PHTF1: variants seen among roughly 807,000 people sequenced by gnomAD.
PHTF1 encodes protein PHTF1.
Under a neutral mutation model 102.4 loss-of-function variants are expected in PHTF1, and 88 were observed. The ratio of observed to expected loss-of-function variants is 0.86; its 90% CI spans 0.72 to 1.03. The LOEUF (loss-of-function observed/expected upper bound fraction) is 1.03, where lower values mean the gene tolerates loss of function less well. Ranked by LOEUF, PHTF1 falls within the 50% of genes least tolerant of loss-of-function variation. PHTF1 has a pLI of 0.00. For missense variants in PHTF1, 814 were observed against 909.5 expected, an observed-to-expected ratio of 0.89 and a Z score of 1.35; for synonymous variants, 289 against 305.2, an observed-to-expected ratio of 0.95 and a Z score of 0.55.
chr1:113,697,513 G>A lies in PHTF1; in HGVS notation c.*192C>T. On this transcript the variant is annotated 3_prime_UTR_variant, in exon 19 of 19. Coordinates refer to ENST00000369604, the MANE Select transcript of PHTF1 (RefSeq NM_001323043.2). The stretch of plus-strand genomic sequence containing the variant: ...TTGTTTGAAAAGCATGAAAATACAG[G>A]TTTTTAGCATGCACACCCAGTTGGA... 1.9e-6 allele frequency: 1 copy of A among 537,230 alleles called. No homozygotes were observed. Among genetic ancestry groups the A allele is most frequent in the Non-Finnish European group, 3.4e-6 (1 of 293,804 alleles). The allele number at this position is 537,230 out of a possible 1,614,324, so 33.3% of individuals were successfully genotyped here. A position where few individuals can be genotyped will look rare whatever the true frequency, so the allele number is the denominator to read the frequency against.
Position 113,710,455 on chromosome 1 carries a change from A to C in PHTF1, c.1068T>G (p.Ser356Arg), listed in dbSNP as rs1165190187. 6.2e-7 allele frequency: 1 copy of C among 1,613,744 alleles called. No individual in the cohort carries two copies. The highest frequency in any genetic ancestry group is 1.3e-5 in the African/African-American group (1 of 74,876). The change falls in exon 11 of 19, where the codon AGT becomes AGG. Residue 356 changes from serine (S) to arginine (R), a missense_variant. Physicochemically the swap from Ser to Arg is moderately radical, Grantham distance 110. Coordinates refer to ENST00000369604, the MANE Select transcript of PHTF1 (RefSeq NM_001323043.2). The stretch of plus-strand genomic sequence containing the variant: ...ACATGTTGAGGCTTCGAGAGCCACC[A>C]CTCACACCCGATCTAGAGCCCTTTA... ...AFSQGSRSGV[S>R]GGSRSLNMSR...
At position 113,722,919 on chromosome 1, in the gene PHTF1, CAAATAAATAAAT is replaced by C. The variant is rs34016504; in HGVS notation, c.623+1828_623+1839del. On this transcript the variant is annotated intron_variant, in intron 7 of 18. Coordinates refer to ENST00000369604, the MANE Select transcript of PHTF1 (RefSeq NM_001323043.2). ...TGGATGACAGAGGAAGACTCCATCT[CAAATAAATAAAT>C]AAATAAATAAATAAATAAATAAATA... Among the ~76,000 whole-genome samples, 784 of 134,780 alleles carry C rather than the reference CAAATAAATAAAT, an allele frequency of 5.8e-3. 4 individuals are homozygous for C. Among genetic ancestry groups the C allele is most frequent in the African/African-American group, 0.02 (714 of 35,500 alleles). 88.4% of individuals were successfully genotyped at this position (134,780 alleles called of 152,430 possible). A position where few individuals can be genotyped will look rare whatever the true frequency, so the allele number is the denominator to read the frequency against.
intron 7 of PHTF1, among the ~76,000 whole-genome samples, chr1:113,722,919 C>CAAAT (rs34016504): frequency 0.22 from 30,124 of 134,564 alleles, 3,672 homozygotes; most frequent in Admixed American, 0.25. Context: ...GACTCCATCT[C>CAAAT]AAATAAATAA....
rs372613581 is a variant in PHTF1 at position 113,726,447 on chromosome 1, T to C, written c.459A>G (p.Pro153=). 4.3e-6 allele frequency: 7 copies of C among 1,609,848 alleles called. No homozygotes were observed. Among genetic ancestry groups the C allele is most frequent in the African/African-American group, 1.3e-5 (1 of 74,756 alleles). The part of the protein sequence containing the change: ...CQIVSTQITR[P]SGNNGNRRRR... ...TTCTTCGATTTCCATTGTTTCCTGA[T>C]GGTCTTGTTATCTGAGTAGACACAA... The change falls in exon 6 of 19, where the codon CCA becomes CCG. Residue 153 remains proline, a synonymous_variant. Transcript: ENST00000369604.
Position 113,698,402 on chromosome 1 carries a change from A to C in PHTF1, c.2143-15T>G. On this transcript the variant is annotated splice_polypyrimidine_tract_variant and intron_variant, in intron 17 of 18. Transcript: ENST00000369604. ...GTGTCCAGCTCCTACAAAAAACATCAAAGAATTGAAATGAGATACATGTTT... is the reference window on the plus strand; with the variant it reads ...GTGTCCAGCTCCTACAAAAAACATCCAAGAATTGAAATGAGATACATGTTT... 2 of 1,609,250 alleles carry C rather than the reference A, an allele frequency of 1.2e-6. No homozygotes were observed. The highest frequency in any genetic ancestry group is 2.2e-5 in the South Asian group (2 of 90,674).
intron 14 of PHTF1, 106 bp downstream of exon 14, chr1:113,704,560 A>C: frequency 2.7e-6 from 2 of 736,322 alleles, no homozygotes; most frequent in Non-Finnish European, 4.3e-6. Flanking sequence ...CTGCTGCTAT[A>C]ATCTGCCTGA....
chr1:113,752,385 A>ATTTTTTTTTTTTT (rs774522219), intron 3 of PHTF1, among the ~76,000 whole-genome samples: 9 of 47,890 alleles, frequency 1.9e-4, no homozygotes, highest in East Asian at 6.0e-4. Flanking sequence ...TGTTACTGTA[A>ATTTTTTTTTTTTT]TTTTTTTTTT....
At chr1:113,730,503 T>C (rs1179644997) in intron 5 of PHTF1, among the ~76,000 whole-genome samples, 1 of 152,074 alleles carries the variant, frequency 6.6e-6, no homozygotes, top group African/African-American at 2.4e-5. Flanking sequence ...ATGAAATGTA[T>C]GTGAAAGGAG....
rs755004020 is a variant in PHTF1, at chr1:113,698,344, G to T, written c.2186C>A (p.Pro729His). 2.5e-6 allele frequency: 4 copies of T among 1,608,748 alleles called. No individual in the cohort carries two copies. Among genetic ancestry groups the T allele is most frequent in the Non-Finnish European group, 3.4e-6 (4 of 1,175,498 alleles). The change falls in exon 18 of 19, where the codon CCC becomes CAC. Residue 729 changes from proline to histidine, a missense_variant. Physicochemically the swap from Pro to His is moderately conservative, Grantham distance 77 (BLOSUM62 -2). Coordinates refer to ENST00000369604, the MANE Select transcript of PHTF1 (RefSeq NM_001323043.2). ...PFRLYGLTMN[P>H]LIYNITRVVI... is the part of the protein sequence containing the mutation. ...TACTCTTGTGATATTGTAGATTAAG[G>T]GATTCATTGTCAGTCCATAGAGTCT...
chr1:113,743,183 T>A (rs989055405), intron 3 of PHTF1, among the ~76,000 whole-genome samples: 2 of 152,130 alleles, frequency 1.3e-5, no homozygotes, highest in African/African-American at 2.4e-5. Flanking sequence ...TTTTTTTAAC[T>A]TTTTTACTCT....
chr1:113,704,022 G>C, intron 15 of PHTF1, 59 bp downstream of exon 15: 2 of 1,078,600 alleles, frequency 1.9e-6, no homozygotes, highest in Non-Finnish European at 2.8e-6. Flanking sequence ...GTCTAAAACA[G>C]AAAGTGAACT....
At chr1:113,744,638 T>C (rs1033396555) in intron 3 of PHTF1, among the ~76,000 whole-genome samples, 3 of 152,158 alleles carry the variant, frequency 2.0e-5, no homozygotes, top group African/African-American at 7.2e-5. Flanking sequence ...ACTTGTAAAG[T>C]TGCACATGTG....
rs746459214 is a variant in PHTF1 at position 113,698,376 on chromosome 1, T to C, written c.2154A>G (p.Thr718=). Residue 718 remains threonine, a synonymous_variant, in exon 18 of 19, where the codon ACA becomes ACG. Transcript: ENST00000369604. ...TTGTCAGTCCATAGAGTCTAAATGG[T>C]GTGTCCAGCTCCTACAAAAAACATC... ...LSTKLLKELD[T]PFRLYGLTMN... is the part of the protein sequence containing the mutation. 1 of 1,611,932 alleles carries C rather than the reference T, an allele frequency of 6.2e-7. No homozygotes were observed. Among genetic ancestry groups the C allele is most frequent in the East Asian group, 2.2e-5 (1 of 44,820 alleles).
At chr1:113,745,947 C>CA (rs1229505297) in intron 3 of PHTF1, among the ~76,000 whole-genome samples, 3 of 152,210 alleles carry the variant, frequency 2.0e-5, no homozygotes, top group Admixed American at 1.3e-4. Flanking sequence ...CATCCCCCCA[C>CA]ACCAGTCCAT....
chr1:113,750,595 A>C (rs1378779654), intron 3 of PHTF1, among the ~76,000 whole-genome samples: 2 of 152,152 alleles, frequency 1.3e-5, no homozygotes, highest in Non-Finnish European at 2.9e-5. Flanking sequence ...GTGGTGGCTC[A>C]CGCCTGTAAT....
At chr1:113,705,773 T>C in intron 13 of PHTF1, 117 bp downstream of exon 13, 1 of 708,522 alleles carries the variant, frequency 1.4e-6, no homozygotes. Flanking sequence ...AGTCCACTTA[T>C]CAATCCTTTA....
intron 13 of PHTF1, 124 bp from the exon 14 acceptor site, chr1:113,704,921 G>A (rs1053849688): frequency 4.8e-5 from 34 of 711,252 alleles, no homozygotes; most frequent in Non-Finnish European, 6.9e-5. Context: ...TCAGTGTTCA[G>A]TAAGATGGGC....
intron 5 of PHTF1, among the ~76,000 whole-genome samples, chr1:113,734,088 T>C (rs925813716): frequency 3.7e-4 from 56 of 152,114 alleles, no homozygotes; most frequent in Non-Finnish European, 8.8e-5. Context: ...GATGAAACCC[T>C]ATCTCTACTA....
Position 113,724,779 on chromosome 1 carries a change from C to T in PHTF1, c.603G>A (p.Trp201Ter), listed in dbSNP as rs1473560065. 1.9e-6 allele frequency: 3 copies of T among 1,601,882 alleles called. No homozygotes were observed. Among genetic ancestry groups the T allele is most frequent in the Non-Finnish European group, 2.5e-6 (3 of 1,176,490 alleles). Residue 201 changes from tryptophan (W) to a stop codon, truncating the protein, a stop_gained, in exon 7 of 19, where the codon TGG becomes TGA. Transcript: ENST00000369604. LOFTEE classifies it high-confidence loss of function. ...CCCACCTGTTGCCAAAGATAGTCTC[C>T]CAAAAACCACCAATAATGGGTACAG... ...LESVPIIGGF[W>*]ETIFGNRIKR...
Sources: allele counts gnomAD v4.1 joint callset (sites outside exome capture counted in the v4.1 genomes callset), GRCh38; gene constraint gnomAD v4.1.1; transcripts MANE v1.5; gene names NCBI Gene and HGNC (gene_info 2026-07-23, HGNC 2026-07-21).